Variants in PDHA1 observed in about 807,000 individuals in gnomAD.
PDHA1 encodes the protein pyruvate dehydrogenase E1 component subunit alpha, somatic form, mitochondrial.
A neutral mutation model predicts 33.0 loss-of-function variants in PDHA1; 1 was observed. The observed-to-expected ratio is 0.03, with a 90% CI of 0.01 to 0.14. The LOEUF is 0.14. Among genes scored for constraint, PDHA1 ranks in the 10% least tolerant of loss-of-function variants. The pLI is 1.00. For missense variants in PDHA1, 168 were observed against 325.1 expected (o/e 0.52, Z 3.72); for synonymous variants, 123 against 119.2 (o/e 1.03, Z -0.21).
At chrX:19,358,202 T>TTTTTGCTTA (rs2147185409) in intron 9 of PDHA1, among the ~76,000 whole-genome samples, 1 of 112,237 alleles carries the variant, frequency 8.9e-6, no homozygotes, top group South Asian at 3.7e-4. Flanking sequence ...GAATTTTACT[T>TTTTTGCTTA]TTTTGCTTAG....
rs750205962 is a variant in PDHA1 at position 19,345,750 on chromosome X, C to A, written c.57+1656C>A. ...TCCTGTATCAGTTTGCAGGGTCCCC[C>A]CCCCCCCGCCACCTTACAGTAGGAA... On this transcript the variant is annotated intron_variant, in intron 1 of 10. Coordinates refer to ENST00000422285, the MANE Select transcript of PDHA1 (RefSeq NM_000284.4). The A allele has an allele frequency of 2.4e-4, 62 of 258,228 alleles. 3 individuals carry two copies. The highest frequency in any genetic ancestry group is 1.7e-3 in the African/African-American group (54 of 30,908). 21.3% of individuals were successfully genotyped at this position (258,228 alleles called of 1,213,427 possible). A position where few individuals can be genotyped will look rare whatever the true frequency, so the allele number is the denominator to read the frequency against.
In PDHA1 at chrX:19,359,692, C is replaced by CAGACAGTGTT. The variant is rs1569194403; in HGVS notation, c.*40_*49dup. The CAGACAGTGTT allele has an allele frequency of 1.8e-6, 2 of 1,127,924 alleles. No individual in the cohort carries two copies. Among genetic ancestry groups the CAGACAGTGTT allele is most frequent in the South Asian group, 3.6e-5 (2 of 55,018 alleles). The allele number at this position is 1,127,924 out of a possible 1,213,427, so 93.0% of individuals were successfully genotyped here. A position where few individuals can be genotyped will look rare whatever the true frequency, so the allele number is the denominator to read the frequency against. ...AGAGGTTATACCTTCAGGGGGCTACCAGACAGTGTTCTCAACTTGGTTAAG... is the reference window on the plus strand; with the variant it reads ...AGAGGTTATACCTTCAGGGGGCTACCAGACAGTGTTAGACAGTGTTCTCAACTTGGTTAAG... On this transcript the variant is annotated 3_prime_UTR_variant, in exon 11 of 11. Coordinates refer to ENST00000422285, the MANE Select transcript of PDHA1 (RefSeq NM_000284.4).
Position 19,353,177 on chromosome X carries a change from G to T in PDHA1, c.510+4G>T. 8.4e-7 allele frequency: 1 copy of T among 1,184,023 alleles called. No homozygotes were observed. Among genetic ancestry groups the T allele is most frequent in the Non-Finnish European group, 1.1e-6 (1 of 869,960 alleles). On this transcript the variant is annotated splice_donor_region_variant and intron_variant, in intron 5 of 10. Transcript: ENST00000422285. ...CAATGGCATCGTGGGAGCGCAGGTAGTCAAGGACGAGGATTGTGTGCTGCT... is the reference window on the plus strand; with the variant it reads ...CAATGGCATCGTGGGAGCGCAGGTATTCAAGGACGAGGATTGTGTGCTGCT...
At chrX:19,347,918 CTG>C (rs2063143911) in intron 1 of PDHA1, among the ~76,000 whole-genome samples, 1 of 112,214 alleles carries the variant, frequency 8.9e-6, no homozygotes, top group Non-Finnish European at 1.9e-5. Flanking sequence ...CTGTCATTGT[CTG>C]TGTTTGTTGG....
rs1201796838 is a variant in PDHA1, at chrX:19,361,328, G to A, written c.*1675G>A. Reference sequence around the variant, plus strand: ...TGTATTCTCTTATACAAACTGTTTTGAGGCTCTTACCGTAGTCGAAGGTAT... The same window carrying A: ...TGTATTCTCTTATACAAACTGTTTTAAGGCTCTTACCGTAGTCGAAGGTAT... On this transcript the variant is annotated 3_prime_UTR_variant, in exon 11 of 11. Transcript: ENST00000422285. 2 of 1,182,803 alleles carry A rather than the reference G, an allele frequency of 1.7e-6. No homozygotes were observed. Among genetic ancestry groups the A allele is most frequent in the African/African-American group, 3.5e-5 (2 of 56,801 alleles).
chrX:19,357,269 A>AT (rs2063209090), intron 8 of PDHA1: 1 of 220,147 alleles, frequency 4.5e-6, no homozygotes, highest in Non-Finnish European at 8.4e-6. Flanking sequence ...TAATTTTTGT[A>AT]TTTTTTGATA....
At chrX:19,355,328 C>G (rs1473354415) in intron 6 of PDHA1, 21 bp from the exon 7 acceptor site, 3 of 1,208,026 alleles carry the variant, frequency 2.5e-6, no homozygotes, top group East Asian at 3.0e-5. Flanking sequence ...AAATGAAACC[C>G]CTTTTCGTAA....
chrX:19,359,237 G>A (rs899536133), intron 10 of PDHA1, among the ~76,000 whole-genome samples: 1 of 111,596 alleles, frequency 9.0e-6, no homozygotes, highest in Non-Finnish European at 1.9e-5. Context: ...GATTTTGGTG[G>A]ACTGTGAACC....
In PDHA1 at chrX:19,353,020, C is replaced by T. The variant is rs2063173166; in HGVS notation, c.419-62C>T. The T allele has an allele frequency of 6.6e-6, 6 of 908,160 alleles. No individual in the cohort carries two copies. In the East Asian group the frequency reaches 1.2e-4, roughly 19 times the overall value. 74.8% of individuals were successfully genotyped at this position (908,160 alleles called of 1,213,427 possible). A position where few individuals can be genotyped will look rare whatever the true frequency, so the allele number is the denominator to read the frequency against. On this transcript the variant is annotated intron_variant, in intron 4 of 10. Transcript: ENST00000422285. ...AGCCTCAGAGTACATATTTGGGGTG[C>T]GGTTTGGTTTGCTTTGTAGAGTTGG...
chrX:19,359,380 G>A (rs913980539), intron 10 of PDHA1, 109 bp from the exon 11 acceptor site: 66 of 621,576 alleles, frequency 1.1e-4, no homozygotes, highest in East Asian at 2.6e-4. Flanking sequence ...GCAACTGTTC[G>A]TACTTGTAGT....
rs190157093 is a variant in PDHA1, at chrX:19,355,772, C to T, written c.831+15C>T. ...GATCTGGGAAGGTAAGGCTCTAAAG[C>T]CCTCTGGGCTAGTGACATTTATCTC... is the stretch of plus-strand genomic sequence containing the variant. On this transcript the variant is annotated intron_variant, in intron 8 of 10. Coordinates refer to ENST00000422285, the MANE Select transcript of PDHA1 (RefSeq NM_000284.4). 5,432 of 1,151,279 alleles carry T rather than the reference C, an allele frequency of 4.7e-3. 20 individuals are homozygous for T. The highest frequency in any genetic ancestry group is 5.5e-3 in the South Asian group (303 of 55,373). The allele number at this position is 1,151,279 out of a possible 1,213,427, so 94.9% of individuals were successfully genotyped here. A position where few individuals can be genotyped will look rare whatever the true frequency, so the allele number is the denominator to read the frequency against.
intron 6 of PDHA1, among the ~76,000 whole-genome samples, chrX:19,354,868 C>G (rs1179705446): frequency 8.9e-6 from 1 of 112,620 alleles, no homozygotes; most frequent in Non-Finnish European, 1.9e-5. Flanking sequence ...TATTGCAAAA[C>G]AATACAGACC....
chrX:19,360,889 A>G lies in PDHA1; in HGVS notation c.*1236A>G, dbSNP rs1055572934. 2.3e-6 allele frequency: 2 copies of G among 883,670 alleles called. No individual in the cohort carries two copies. The highest frequency in any genetic ancestry group is 3.2e-6 in the Non-Finnish European group (2 of 618,991). 72.8% of individuals were successfully genotyped at this position (883,670 alleles called of 1,213,427 possible). A position where few individuals can be genotyped will look rare whatever the true frequency, so the allele number is the denominator to read the frequency against. ...CAGTGCTTCAAGCCAACAGAGCTTA[A>G]AACTGCAGTCCCTAATTTAAAAACC... On this transcript the variant is annotated 3_prime_UTR_variant, in exon 11 of 11. Coordinates refer to ENST00000422285, the MANE Select transcript of PDHA1 (RefSeq NM_000284.4).
Position 19,361,197 on chromosome X carries a change from C to A in PDHA1, c.*1544C>A. ...ACTTCTGCCTGGCTTTCAGTTTCTG[C>A]CCCACCTTGGCTTTTTCCCAGCTTG... On this transcript the variant is annotated 3_prime_UTR_variant, in exon 11 of 11. Coordinates refer to ENST00000422285, the MANE Select transcript of PDHA1 (RefSeq NM_000284.4). The A allele has an allele frequency of 2.1e-6, 1 of 484,052 alleles. No individual in the cohort carries two copies. The highest frequency in any genetic ancestry group is 3.4e-6 in the Non-Finnish European group (1 of 290,221). The allele number at this position is 484,052 out of a possible 1,213,427, so 39.9% of individuals were successfully genotyped here. A position where few individuals can be genotyped will look rare whatever the true frequency, so the allele number is the denominator to read the frequency against.
chrX:19,359,415 C>A, intron 10 of PDHA1, 74 bp from the exon 11 acceptor site: 1 of 868,556 alleles, frequency 1.2e-6, no homozygotes, highest in Non-Finnish European at 1.7e-6. Context: ...AGCAACAGGT[C>A]CTCAGCAGAA....
At chrX:19,349,221 A>G (rs1340194721) in intron 1 of PDHA1, 91 bp from the exon 2 acceptor site, 2 of 631,663 alleles carry the variant, frequency 3.2e-6, no homozygotes, top group Non-Finnish European at 5.3e-6. Context: ...TTAAATTTCC[A>G]TAACTTCATT....
chrX:19,347,792 T>A (rs2063143452), intron 1 of PDHA1, among the ~76,000 whole-genome samples: 1 of 112,886 alleles, frequency 8.9e-6, no homozygotes, highest in Admixed American at 9.4e-5. Context: ...TCAGCTTTAC[T>A]TCTTCCCAAA....
chrX:19,349,231 TC>T (rs1313330163), intron 1 of PDHA1, 80 bp from the exon 2 acceptor site: 12 of 662,970 alleles, frequency 1.8e-5, no homozygotes, highest in Non-Finnish European at 2.5e-5. Context: ...ATAACTTCAT[TC>T]TGATAACTGA....
Position 19,351,275 on chromosome X carries a change from A to T in PDHA1, c.292-6A>T. 1 of 1,206,641 alleles carries T rather than the reference A, an allele frequency of 8.3e-7. No individual in the cohort carries two copies. Among genetic ancestry groups the T allele is most frequent in the Non-Finnish European group, 1.1e-6 (1 of 891,157 alleles). ...TGCCTCATAGTTTCTCCTTCCTCTA[A>T]CACAGGAAGCTTGCTGTGTGGGCCT... is the stretch of plus-strand genomic sequence containing the variant. On this transcript the variant is annotated splice_polypyrimidine_tract_variant and splice_region_variant and intron_variant, in intron 3 of 10. Transcript: ENST00000422285.
Sources: gnomAD v4.1 joint callset for allele counts (sites outside exome capture counted in the v4.1 genomes callset) on GRCh38, gnomAD v4.1.1 for gene constraint, MANE v1.5 for transcripts, NCBI Gene and HGNC (gene_info 2026-07-23, HGNC 2026-07-21) for gene names.